The following SNX14 variants were observed in gnomAD, a reference collection of about 807,000 sequenced individuals.
The protein encoded by SNX14 is sorting nexin 14.
Under a neutral mutation model 133.8 loss-of-function variants are expected in SNX14, and 93 were observed. That is an observed-to-expected ratio of 0.70 (90% confidence interval 0.59 to 0.83). The LOEUF is 0.83. Ranked by LOEUF, SNX14 falls within the 40% of genes least tolerant of loss-of-function variation. The probability of loss-of-function intolerance (pLI) is 0.00; values close to 1 mark genes in which losing one functional copy is unlikely to be tolerated. For synonymous variants in SNX14, 368 were observed against 365.6 expected, an observed-to-expected ratio of 1.01 and a Z score of -0.07; for missense variants, 945 against 1,094.9, an observed-to-expected ratio of 0.86 and a Z score of 1.93.
At chr6:85,563,900 T>C (rs1053121508) in intron 6 of SNX14, among the ~76,000 whole-genome samples, 1 of 152,092 alleles carries the variant, frequency 6.6e-6, no homozygotes, top group African/African-American at 2.4e-5. Flanking sequence ...TAGGTATATC[T>C]CCTAATACTA....
At chr6:85,534,902 C>T (rs1382124941) in intron 17 of SNX14, among the ~76,000 whole-genome samples, 5 of 145,514 alleles carry the variant, frequency 3.4e-5, no homozygotes, top group East Asian at 2.0e-4. Flanking sequence ...TAGATATGCA[C>T]GTACGTGGCA....
At chr6:85,542,492 T>C (rs1659793891) in intron 14 of SNX14, among the ~76,000 whole-genome samples, 1 of 152,202 alleles carries the variant, frequency 6.6e-6, no homozygotes, top group Non-Finnish European at 1.5e-5. Flanking sequence ...CCTCCCGGGT[T>C]GATGCCATTC....
At chr6:85,532,531 ACTT>A (rs1400251589) in intron 18 of SNX14, among the ~76,000 whole-genome samples, 1 of 152,142 alleles carries the variant, frequency 6.6e-6, no homozygotes, top group African/African-American at 2.4e-5. Flanking sequence ...TCACACTACT[ACTT>A]AGTTATCCTC....
intron 2 of SNX14, among the ~76,000 whole-genome samples, chr6:85,573,192 C>T (rs1174752473): frequency 6.6e-6 from 1 of 151,966 alleles, no homozygotes; most frequent in Non-Finnish European, 1.5e-5. Flanking sequence ...TAAAGATATC[C>T]CACTAGGCCA....
At chr6:85,564,222 C>G (rs1298028039) in intron 6 of SNX14, among the ~76,000 whole-genome samples, 2 of 152,176 alleles carry the variant, frequency 1.3e-5, no homozygotes, top group African/African-American at 4.8e-5. Flanking sequence ...AATAGTGCCG[C>G]AATAAACATA....
chr6:85,536,998 T>A (rs201473244), intron 16 of SNX14, 74 bp from the exon 17 acceptor site: 10 of 1,344,906 alleles, frequency 7.4e-6, no homozygotes, highest in Middle Eastern at 3.9e-4. Flanking sequence ...AAACCATTAT[T>A]AAAAAAAAGA....
At position 85,567,402 on chromosome 6, in the gene SNX14, T is replaced by C. The variant is rs115949118; in HGVS notation, c.461+132A>G. 1.8e-3 allele frequency: 1,203 copies of C among 663,342 alleles called. 11 individuals carry two copies. The African/African-American group carries it at 0.02, about 11-fold the overall frequency. The allele number at this position is 663,342 out of a possible 1,614,324, so 41.1% of individuals were successfully genotyped here. On this transcript the variant is annotated intron_variant, in intron 5 of 28. Coordinates refer to ENST00000314673, the MANE Select transcript of SNX14 (RefSeq NM_153816.6). ...ACAGTACTGCCCCCAAAACAAATAA[T>C]TATTTTGGCTAAAAGGTCAACAATG...
intron 1 of SNX14, among the ~76,000 whole-genome samples, chr6:85,577,358 C>A (rs890896011): frequency 6.6e-6 from 1 of 152,084 alleles, no homozygotes; most frequent in African/African-American, 2.4e-5. Context: ...GTGGAGGCTG[C>A]AGTAAGCTGA....
chr6:85,565,257 C>T (rs1562351266), intron 6 of SNX14, 75 bp downstream of exon 6: 5 of 911,566 alleles, frequency 5.5e-6, no homozygotes, highest in Non-Finnish European at 8.4e-6. Flanking sequence ...CATGTACTCA[C>T]AAAAAATTGT....
chr6:85,543,527 C>T, intron 13 of SNX14, 78 bp downstream of exon 13: 1 of 1,215,810 alleles, frequency 8.2e-7, no homozygotes, highest in Non-Finnish European at 1.1e-6. Flanking sequence ...TGCAGCTAGC[C>T]ACTGCAATAA....
At chr6:85,573,039 T>G (rs557006693) in intron 2 of SNX14, among the ~76,000 whole-genome samples, 2 of 152,310 alleles carry the variant, frequency 1.3e-5, no homozygotes, top group East Asian at 1.9e-4. Flanking sequence ...TCCAAAATCT[T>G]GAATTCAATG....
rs767969859 is a variant in SNX14 at position 85,543,777 on chromosome 6, T to C, written c.1109-17A>G. 6.3e-6 allele frequency: 9 copies of C among 1,432,564 alleles called. No homozygotes were observed. Among genetic ancestry groups the C allele is most frequent in the Non-Finnish European group, 6.5e-6 (7 of 1,073,188 alleles). The allele number at this position is 1,432,564 out of a possible 1,614,324, so 88.7% of individuals were successfully genotyped here. Reference sequence around the variant, plus strand: ...TAAATTCCTCTAACAAATGAGGGAATGAATAAGAAAAAATAATTTTAATAT... The same window carrying C: ...TAAATTCCTCTAACAAATGAGGGAACGAATAAGAAAAAATAATTTTAATAT... On this transcript the variant is annotated splice_polypyrimidine_tract_variant and intron_variant, in intron 12 of 28. Coordinates refer to ENST00000314673, the MANE Select transcript of SNX14 (RefSeq NM_153816.6).
chr6:85,593,653 G>A lies in SNX14; in HGVS notation c.66C>T (p.Arg22=), dbSNP rs762438130. The A allele has an allele frequency of 3.7e-6, 6 of 1,612,726 alleles. No homozygotes were observed. The highest frequency in any genetic ancestry group is 2.7e-5 in the African/African-American group (2 of 74,918). ...ACAGCGGGTACTGGCGGCAGATCTC[G>A]CGTCCCACGTCCAGTCGCAGCCGCT... ...LKQRLRLDVG[R]EICRQYPLFC... Residue 22 remains arginine, a synonymous_variant, in exon 1 of 29, where the codon CGC becomes CGT. Coordinates refer to ENST00000314673, the MANE Select transcript of SNX14 (RefSeq NM_153816.6).
At chr6:85,516,130 A>T (rs985200319) in intron 23 of SNX14, among the ~76,000 whole-genome samples, 2 of 152,164 alleles carry the variant, frequency 1.3e-5, no homozygotes, top group African/African-American at 4.8e-5. Flanking sequence ...CACCATATCA[A>T]ATATCTTTAT....
At chr6:85,568,637 A>C (rs923881272) in intron 4 of SNX14, among the ~76,000 whole-genome samples, 5 of 152,230 alleles carry the variant, frequency 3.3e-5, no homozygotes, top group Admixed American at 3.3e-4. Flanking sequence ...AGTAACTTAC[A>C]AATGCAGTAG....
chr6:85,514,231 C>A lies in SNX14; in HGVS notation c.2396G>T (p.Arg799Leu). Reference sequence around the variant, plus strand: ...CCAGTCAGGAACCTGGAAAACTACCCGTCCTGAGAAAGGATCAAATGGGAT... The same window carrying A: ...CCAGTCAGGAACCTGGAAAACTACCAGTCCTGAGAAAGGATCAAATGGGAT... Reference protein sequence around the residue: ...GVYDYLMYVGRVVFQVPDWLH... With the variant: ...GVYDYLMYVGLVVFQVPDWLH... The change falls in exon 25 of 29, where the codon CGG becomes CTG. Residue 799 changes from arginine (R) to leucine (L), a missense_variant. Physicochemically the swap from Arg to Leu is moderately radical, Grantham distance 102 (BLOSUM62 -2). Transcript: ENST00000314673. 2 of 1,608,646 alleles carry A rather than the reference C, an allele frequency of 1.2e-6. No individual in the cohort carries two copies. Among genetic ancestry groups the A allele is most frequent in the African/African-American group, 1.3e-5 (1 of 74,756 alleles).
intron 6 of SNX14, among the ~76,000 whole-genome samples, chr6:85,558,603 A>C (rs1490620635): frequency 2.0e-5 from 3 of 152,114 alleles, no homozygotes; most frequent in Non-Finnish European, 4.4e-5. Flanking sequence ...CTGGGAATAC[A>C]GGCGCATGCC....
At chr6:85,578,080 A>T (rs542988853) in intron 1 of SNX14, among the ~76,000 whole-genome samples, 52 of 152,300 alleles carry the variant, frequency 3.4e-4, no homozygotes, top group African/African-American at 1.3e-3. Flanking sequence ...TAAAAACCTG[A>T]TCACATTTAA....
chr6:85,506,596 G>T (rs759757261), intron 28 of SNX14, among the ~76,000 whole-genome samples: 1 of 152,146 alleles, frequency 6.6e-6, no homozygotes, highest in Non-Finnish European at 1.5e-5. Context: ...GATTACAGGC[G>T]TGAGCCACCG....
Sources: gnomAD v4.1 joint callset for allele counts (sites outside exome capture counted in the v4.1 genomes callset) on GRCh38, gnomAD v4.1.1 for gene constraint, MANE v1.5 for transcripts, NCBI Gene and HGNC (gene_info 2026-07-23, HGNC 2026-07-21) for gene names.